CDKAL1: variants seen among roughly 807,000 people sequenced by gnomAD.
The protein encoded by CDKAL1 is threonylcarbamoyladenosine tRNA methylthiotransferase.
CDKAL1 carries 32 observed loss-of-function variants against 68.2 expected under a neutral mutation model. The ratio of observed to expected loss-of-function variants is 0.47; its 90% CI spans 0.35 to 0.63. The LOEUF (loss-of-function observed/expected upper bound fraction) is 0.63, where lower values mean the gene tolerates loss of function less well. Ranked by LOEUF, CDKAL1 falls within the 30% of genes least tolerant of loss-of-function variation. CDKAL1 has a pLI of 0.00. For missense variants in CDKAL1, 606 were observed against 696.7 expected, an observed-to-expected ratio of 0.87 and a Z score of 1.47; for synonymous variants, 234 against 244.3, an observed-to-expected ratio of 0.96 and a Z score of 0.39.
chr6:20,739,420 G>A, intron 5 of CDKAL1, 99 bp from the exon 6 acceptor site: 2 of 653,128 alleles, frequency 3.1e-6, no homozygotes, highest in South Asian at 4.1e-5. Flanking sequence ...TGTGAGATAG[G>A]CCTGTTATTA....
chr6:21,123,582 A>G (rs577177007), intron 13 of CDKAL1, among the ~76,000 whole-genome samples: 3 of 152,326 alleles, frequency 2.0e-5, no homozygotes, highest in South Asian at 2.1e-4. Flanking sequence ...TAAAAACTCA[A>G]CCTGTCTTTT....
chr6:20,617,135 C>T (rs1766955288), intron 4 of CDKAL1, among the ~76,000 whole-genome samples: 1 of 151,802 alleles, frequency 6.6e-6, no homozygotes, highest in Non-Finnish European at 1.5e-5. Context: ...TACTCAGTTG[C>T]TGAAGGTGGT....
chr6:20,880,759 A>G (rs1760771871), intron 9 of CDKAL1, among the ~76,000 whole-genome samples: 1 of 152,168 alleles, frequency 6.6e-6, no homozygotes, highest in South Asian at 2.1e-4. Flanking sequence ...CAGATAATTG[A>G]CATGTTATAA....
intron 10 of CDKAL1, among the ~76,000 whole-genome samples, chr6:20,998,501 A>G (rs1399328836): frequency 6.6e-6 from 1 of 152,090 alleles, no homozygotes; most frequent in East Asian, 1.9e-4. Flanking sequence ...AATCCCAGCT[A>G]CTTGGACGCT....
chr6:21,086,522 G>T (rs11964144), intron 12 of CDKAL1, among the ~76,000 whole-genome samples: 1 of 151,916 alleles, frequency 6.6e-6, no homozygotes, highest in African/African-American at 2.4e-5. Context: ...GCGCCTAGGT[G>T]GGTGAACTAG....
chr6:20,635,590 G>A (rs1183392258), intron 4 of CDKAL1, among the ~76,000 whole-genome samples: 3 of 152,032 alleles, frequency 2.0e-5, no homozygotes, highest in East Asian at 1.9e-4. Flanking sequence ...AGCATCCTGC[G>A]GTTACTCAAA....
intron 9 of CDKAL1, among the ~76,000 whole-genome samples, chr6:20,854,562 G>A (rs1033560727): frequency 3.3e-5 from 5 of 152,188 alleles, no homozygotes; most frequent in Admixed American, 2.6e-4. Flanking sequence ...AGAAAGAGAG[G>A]TTTGCTGATA....
chr6:21,140,550 A>T (rs187506050), intron 13 of CDKAL1, among the ~76,000 whole-genome samples: 32 of 152,280 alleles, frequency 2.1e-4, no homozygotes, highest in South Asian at 6.2e-4. Context: ...CAAGGTTCTC[A>T]GTCAGGGTCG....
At chr6:20,995,663 T>C (rs564395988) in intron 10 of CDKAL1, among the ~76,000 whole-genome samples, 3 of 152,294 alleles carry the variant, frequency 2.0e-5, no homozygotes, top group South Asian at 2.1e-4. Context: ...GGCTTTGGTG[T>C]TCCATTTATA....
At chr6:21,217,782 GCCA>G (rs2151121980) in intron 15 of CDKAL1, among the ~76,000 whole-genome samples, 1 of 152,296 alleles carries the variant, frequency 6.6e-6, no homozygotes, top group African/African-American at 2.4e-5. Flanking sequence ...ACAGGCGTGA[GCCA>G]CCACATCTGG....
intron 10 of CDKAL1, among the ~76,000 whole-genome samples, chr6:20,967,463 A>G (rs1285126081): frequency 6.6e-6 from 1 of 152,280 alleles, no homozygotes; most frequent in East Asian, 1.9e-4. Flanking sequence ...TTTGATCAAT[A>G]TTAACTTAAT....
At position 20,539,505 on chromosome 6, in the gene CDKAL1, G is replaced by A. The variant is rs1763306486; in HGVS notation, c.-6+4111G>A. Among the ~76,000 whole-genome samples the A allele has an allele frequency of 6.6e-6, 1 of 152,198 alleles. No homozygotes were observed. The highest frequency in any genetic ancestry group is 1.5e-5 in the Non-Finnish European group (1 of 68,042). On this transcript the variant is annotated intron_variant, in intron 2 of 15. Transcript: ENST00000274695. The surrounding 1 kb of genome is among the most constrained non-coding windows in gnomAD (Gnocchi z 4.3). ...AGAGGGTGTGTGGTGAGGTGGGGGT[G>A]TTGGTTGGAAAGTCCTCTCTTGTTA... is the stretch of plus-strand genomic sequence containing the variant.
intron 9 of CDKAL1, among the ~76,000 whole-genome samples, chr6:20,946,508 G>T (rs1245273856): frequency 6.6e-6 from 1 of 152,102 alleles, no homozygotes; most frequent in African/African-American, 2.4e-5. Context: ...GGGATTACAG[G>T]GGTGAGCCAA....
At chr6:20,679,986 TG>T (rs1173853647) in intron 5 of CDKAL1, among the ~76,000 whole-genome samples, 3 of 151,194 alleles carry the variant, frequency 2.0e-5, no homozygotes, top group Non-Finnish European at 4.4e-5. Context: ...ATTTTTTTGC[TG>T]GGACTCTAGT....
At chr6:20,906,141 G>A (rs1762220223) in intron 9 of CDKAL1, among the ~76,000 whole-genome samples, 1 of 152,072 alleles carries the variant, frequency 6.6e-6, no homozygotes, top group South Asian at 2.1e-4. Context: ...TTTTAAAAAG[G>A]CGATTGTTAG....
At chr6:20,875,999 G>A (rs1487513284) in intron 9 of CDKAL1, among the ~76,000 whole-genome samples, 1 of 152,182 alleles carries the variant, frequency 6.6e-6, no homozygotes, top group African/African-American at 2.4e-5. Context: ...ATTAAGCACA[G>A]ACCGAATTGA....
chr6:20,910,445 G>T (rs1185938022), intron 9 of CDKAL1, among the ~76,000 whole-genome samples: 1 of 152,088 alleles, frequency 6.6e-6, no homozygotes, highest in African/African-American at 2.4e-5. Flanking sequence ...AATTTAACTG[G>T]GTGTCCTATC....
At chr6:21,000,976 C>T (rs544339744) in intron 11 of CDKAL1, among the ~76,000 whole-genome samples, 1 of 152,302 alleles carries the variant, frequency 6.6e-6, no homozygotes, top group Admixed American at 6.5e-5. Flanking sequence ...ACAGAAAATA[C>T]TTTCAGCCCT....
chr6:20,922,150 AT>A, intron 9 of CDKAL1, among the ~76,000 whole-genome samples: 1 of 152,336 alleles, frequency 6.6e-6, no homozygotes, highest in East Asian at 1.9e-4. Flanking sequence ...TCTCAAACTT[AT>A]TTGAACCCCA....
Sources: allele counts gnomAD v4.1 joint callset (sites outside exome capture counted in the v4.1 genomes callset), GRCh38; gene constraint gnomAD v4.1.1; non-coding constraint Gnocchi (gnomAD v3.1); transcripts MANE v1.5; gene names NCBI Gene and HGNC (gene_info 2026-07-23, HGNC 2026-07-21).